CTNNA2: variants seen among roughly 807,000 people sequenced by gnomAD.
CTNNA2 encodes catenin alpha 2, also known as catenin alpha-2.
In CTNNA2, 42 loss-of-function variants were observed where a neutral mutation model predicts 101.0. That is an observed-to-expected ratio of 0.42 (90% CI 0.32 to 0.54). CTNNA2 has a LOEUF of 0.54. CTNNA2 is among the 20% of genes least tolerant of loss of function. CTNNA2 has a pLI of 0.14. For synonymous variants in CTNNA2, 450 were observed against 456.4 expected (o/e 0.99, Z 0.18); for missense variants, 871 against 1,223.1 (o/e 0.71, Z 4.29).
intron 7 of CTNNA2, among the ~76,000 whole-genome samples, chr2:79,986,747 A>G (rs558620233): frequency 2.6e-5 from 4 of 152,322 alleles, no homozygotes; most frequent in East Asian, 3.9e-4. Context: ...GAAATAAAGA[A>G]GATGGAGATT....
At chr2:79,989,479 A>G (rs1256169986) in intron 7 of CTNNA2, among the ~76,000 whole-genome samples, 2 of 151,952 alleles carry the variant, frequency 1.3e-5, no homozygotes, top group East Asian at 3.9e-4. Context: ...ACAAACAAAC[A>G]AAAAAATTAT....
chr2:79,851,921 A>G (rs752924060), intron 3 of CTNNA2, among the ~76,000 whole-genome samples: 1 of 151,666 alleles, frequency 6.6e-6, no homozygotes, highest in Non-Finnish European at 1.5e-5. Context: ...TTTGTTTAGT[A>G]GAGATGGGGT....
At chr2:80,558,345 G>A (rs1037263993) in intron 12 of CTNNA2, among the ~76,000 whole-genome samples, 7 of 152,154 alleles carry the variant, frequency 4.6e-5, no homozygotes, top group Non-Finnish European at 8.8e-5. Flanking sequence ...GACTGCTAAT[G>A]AGAATTGCTG....
intron 2 of CTNNA2, among the ~76,000 whole-genome samples, chr2:79,661,855 A>G (rs1682058538): frequency 6.6e-6 from 1 of 152,054 alleles, no homozygotes; most frequent in Non-Finnish European, 1.5e-5. Context: ...TTTCTTACAG[A>G]TTAAAAAAAA....
intron 7 of CTNNA2, among the ~76,000 whole-genome samples, chr2:80,360,253 A>T (rs1674272527): frequency 6.6e-6 from 1 of 152,140 alleles, no homozygotes; most frequent in Admixed American, 6.6e-5. Context: ...TATTTCTATG[A>T]TAAGTAACAC....
intron 2 of CTNNA2, among the ~76,000 whole-genome samples, chr2:79,657,565 A>G (rs1435886605): frequency 6.6e-6 from 1 of 151,850 alleles, no homozygotes; most frequent in African/African-American, 2.4e-5. Flanking sequence ...GAGAACATTA[A>G]TCATTTTTTA....
intron 7 of CTNNA2, among the ~76,000 whole-genome samples, chr2:80,383,851 T>G (rs1328014595): frequency 6.6e-6 from 1 of 152,114 alleles, no homozygotes; most frequent in Non-Finnish European, 1.5e-5. Context: ...CATTCTACCA[T>G]AAAGACACAC....
chr2:80,071,794 G>C (rs1374286806), intron 7 of CTNNA2, among the ~76,000 whole-genome samples: 2 of 152,200 alleles, frequency 1.3e-5, no homozygotes, highest in African/African-American at 4.8e-5. Flanking sequence ...GAGAATGGTT[G>C]TTGAAGTGGT....
chr2:79,690,922 AT>A (rs149495738), intron 2 of CTNNA2, among the ~76,000 whole-genome samples: 2,723 of 152,112 alleles, frequency 0.018, 63 homozygotes, highest in African/African-American at 0.063. Flanking sequence ...TTTTATTTGC[AT>A]TTATGTGCAT....
intron 4 of CTNNA2, among the ~76,000 whole-genome samples, chr2:79,488,699 C>A (rs1671181186): frequency 6.6e-6 from 1 of 152,178 alleles, no homozygotes; most frequent in South Asian, 2.1e-4. Flanking sequence ...CTGGGCTCTT[C>A]TCAATGAACA....
chr2:80,338,388 G>T (rs911808227), intron 7 of CTNNA2, among the ~76,000 whole-genome samples: 2 of 151,736 alleles, frequency 1.3e-5, no homozygotes, highest in Non-Finnish European at 2.9e-5. Flanking sequence ...CTTTCTGTGG[G>T]AACTCCAGAA....
chr2:80,527,460 A>G (rs1189288772), intron 9 of CTNNA2, among the ~76,000 whole-genome samples: 1 of 152,126 alleles, frequency 6.6e-6, no homozygotes, highest in African/African-American at 2.4e-5. Flanking sequence ...CATGCCTGAT[A>G]AGTTCCCAGG....
intron 2 of CTNNA2, among the ~76,000 whole-genome samples, chr2:79,251,669 C>T (rs1674772391): frequency 6.6e-6 from 1 of 152,106 alleles, no homozygotes; most frequent in Admixed American, 6.6e-5. Context: ...CCGATGAAGA[C>T]CTGAGGTCTG....
intron 18 of CTNNA2, among the ~76,000 whole-genome samples, chr2:80,626,714 T>C (rs1293586307): frequency 1.3e-5 from 2 of 152,178 alleles, no homozygotes; most frequent in East Asian, 3.9e-4. Context: ...CAAAATCTAT[T>C]CTTTTTTTTA....
intron 7 of CTNNA2, among the ~76,000 whole-genome samples, chr2:80,340,927 G>T (rs908922237): frequency 6.6e-6 from 1 of 151,984 alleles, no homozygotes; most frequent in East Asian, 1.9e-4. Flanking sequence ...CCTCAGATTC[G>T]GTAATTAGCT....
At chr2:80,173,086 A>G (rs549401238) in intron 7 of CTNNA2, among the ~76,000 whole-genome samples, 67 of 152,324 alleles carry the variant, frequency 4.4e-4, no homozygotes, top group African/African-American at 1.6e-3. Flanking sequence ...TTGTATGCAC[A>G]TTAAAGTTTG....
chr2:79,479,812 A>C (rs1671089331), intron 4 of CTNNA2, among the ~76,000 whole-genome samples: 1 of 151,678 alleles, frequency 6.6e-6, no homozygotes, highest in African/African-American at 2.4e-5. Flanking sequence ...AATCTCAGCT[A>C]CTCCGGAGGC....
At chr2:79,873,411 G>T (rs1244994715) in intron 5 of CTNNA2, among the ~76,000 whole-genome samples, 2 of 152,144 alleles carry the variant, frequency 1.3e-5, no homozygotes, top group Non-Finnish European at 2.9e-5. Flanking sequence ...TTAGAGGTAC[G>T]TTATAGAAGA....
Position 80,647,798 on chromosome 2 carries a change from CGACGAGGTTCTCAGAAGAAACACATT to C in CTNNA2, c.2789_2814del (p.Arg930LeufsTer8). 1 of 1,613,570 alleles carries C rather than the reference CGACGAGGTTCTCAGAAGAAACACATT, an allele frequency of 6.2e-7. No homozygotes were observed. The highest frequency in any genetic ancestry group is 8.5e-7 in the Non-Finnish European group (1 of 1,179,616). Reference sequence around the variant, plus strand: ...GCCTGAAGAATTCCAGACACGAGTTCGACGAGGTTCTCAGAAGAAACACATTTCGCCTGTACAGGCTTTAAGTGAAT... The same window carrying C: ...GCCTGAAGAATTCCAGACACGAGTTCTCGCCTGTACAGGCTTTAAGTGAAT... On this transcript the variant is annotated frameshift_variant, in exon 19 of 19. Coordinates refer to ENST00000402739, the MANE Select transcript of CTNNA2 (RefSeq NM_001282597.3). LOFTEE classifies it high-confidence loss of function.
Sources: gnomAD v4.1 joint callset for allele counts (sites outside exome capture counted in the v4.1 genomes callset) on GRCh38, gnomAD v4.1.1 for gene constraint, MANE v1.5 for transcripts, NCBI Gene and HGNC (gene_info 2026-07-23, HGNC 2026-07-21) for gene names.